Variants in PLCB4 observed in about 807,000 individuals in gnomAD.
PLCB4 encodes the protein phospholipase C beta 4.
PLCB4 carries 77 observed loss-of-function variants against 178.8 expected under a neutral mutation model. That is an observed-to-expected ratio of 0.43 (90% CI 0.36 to 0.52). PLCB4 has a LOEUF of 0.52. Ranked by LOEUF, PLCB4 falls within the 20% of genes least tolerant of loss-of-function variation. The pLI, the probability that PLCB4 is intolerant of heterozygous loss-of-function variation, is 0.00. For missense variants in PLCB4, 1,024 were observed against 1,453.4 expected (o/e 0.70, Z 4.80); for synonymous variants, 496 against 490.8 (o/e 1.01, Z -0.14).
chr20:9,389,170 A>G (rs2037926973), intron 15 of PLCB4, among the ~76,000 whole-genome samples: 1 of 152,152 alleles, frequency 6.6e-6, no homozygotes. Context: ...CTCCTATTTC[A>G]TGGAGAATAG....
At chr20:9,312,353 T>TACACAC (rs34443371) in intron 4 of PLCB4, among the ~76,000 whole-genome samples, 3,035 of 127,754 alleles carry the variant, frequency 0.024, 52 homozygotes, top group African/African-American at 0.037. Context: ...CCTTCCACCC[T>TACACAC]ACACACACAC....
At chr20:9,080,032 A>G (rs2090071615) in intron 1 of PLCB4, among the ~76,000 whole-genome samples, 1 of 152,126 alleles carries the variant, frequency 6.6e-6, no homozygotes, top group African/African-American at 2.4e-5. Context: ...ATATTTTATA[A>G]AAATATTTTA....
intron 4 of PLCB4, among the ~76,000 whole-genome samples, chr20:9,317,595 G>A (rs1417943251): frequency 2.6e-5 from 4 of 152,134 alleles, no homozygotes; most frequent in East Asian, 1.9e-4. Context: ...CAAGAAGGAC[G>A]TCTTATTCAT....
chr20:9,147,889 A>G (rs897515216), intron 2 of PLCB4, among the ~76,000 whole-genome samples: 2 of 152,106 alleles, frequency 1.3e-5, no homozygotes, highest in Non-Finnish European at 2.9e-5. Flanking sequence ...CAGTCAGACT[A>G]TCCTAGATCC....
intron 25 of PLCB4, among the ~76,000 whole-genome samples, chr20:9,418,687 T>C (rs972803788): frequency 2.6e-5 from 4 of 152,146 alleles, no homozygotes; most frequent in African/African-American, 9.6e-5. Context: ...TAGGATTAGC[T>C]TGTCAGTTTC....
chr20:9,338,433 A>G (rs550397540), intron 6 of PLCB4, among the ~76,000 whole-genome samples: 3 of 152,250 alleles, frequency 2.0e-5, no homozygotes, highest in African/African-American at 4.8e-5. Flanking sequence ...ACCTCCCAGC[A>G]CTGTGGGAGG....
chr20:9,467,866 A>G (rs1019116349), intron 35 of PLCB4, among the ~76,000 whole-genome samples: 4 of 152,150 alleles, frequency 2.6e-5, no homozygotes, highest in Non-Finnish European at 4.4e-5. Context: ...ATAGAAAAAA[A>G]TTTTTGTAAT....
chr20:9,339,646 A>G (rs2032939477), intron 7 of PLCB4, among the ~76,000 whole-genome samples: 2 of 152,172 alleles, frequency 1.3e-5, no homozygotes, highest in African/African-American at 4.8e-5. Flanking sequence ...TTTTGCTCAT[A>G]CTAAGTCTTA....
intron 7 of PLCB4, among the ~76,000 whole-genome samples, chr20:9,346,866 T>G (rs971589034): frequency 6.6e-6 from 1 of 152,206 alleles, no homozygotes; most frequent in Non-Finnish European, 1.5e-5. Flanking sequence ...ACATGGGCTG[T>G]GGTCATCAGA....
intron 22 of PLCB4, 97 bp from the exon 23 acceptor site, chr20:9,408,536 C>G (rs1319817977): frequency 1.7e-6 from 1 of 593,086 alleles, no homozygotes; most frequent in African/African-American, 2.4e-5. Flanking sequence ...CCTCCAAGGC[C>G]TCATGATTCA....
At chr20:9,403,137 A>G (rs2039166067) in intron 20 of PLCB4, among the ~76,000 whole-genome samples, 1 of 152,142 alleles carries the variant, frequency 6.6e-6, no homozygotes, top group African/African-American at 2.4e-5. Flanking sequence ...AGTTGCTGGT[A>G]TATTATCATC....
At chr20:9,142,653 TTGC>T (rs2092516466) in intron 2 of PLCB4, among the ~76,000 whole-genome samples, 1 of 152,286 alleles carries the variant, frequency 6.6e-6, no homozygotes, top group East Asian at 1.9e-4. Context: ...GCAGTTTGTA[TTGC>T]TGGTATCACT....
At chr20:9,354,453 G>T (rs2034609426) in intron 7 of PLCB4, among the ~76,000 whole-genome samples, 1 of 152,166 alleles carries the variant, frequency 6.6e-6, no homozygotes, top group Non-Finnish European at 1.5e-5. Context: ...TCCTGGAGTG[G>T]TTTCTACATG....
chr20:9,143,458 G>C (rs2092535583), intron 2 of PLCB4, among the ~76,000 whole-genome samples: 2 of 152,076 alleles, frequency 1.3e-5, no homozygotes, highest in South Asian at 4.1e-4. Context: ...AGTAAATGTT[G>C]AATAAGCAAA....
intron 3 of PLCB4, among the ~76,000 whole-genome samples, chr20:9,263,411 C>T (rs1408705620): frequency 1.3e-5 from 2 of 152,176 alleles, no homozygotes; most frequent in African/African-American, 4.8e-5. Context: ...AATATCTAGT[C>T]CCTTGCTATT....
At chr20:9,131,180 C>T (rs147866830) in intron 2 of PLCB4, among the ~76,000 whole-genome samples, 67 of 152,238 alleles carry the variant, frequency 4.4e-4, no homozygotes, top group Admixed American at 1.1e-3. Context: ...AGTAATCTTT[C>T]GGTACATCTA....
chr20:9,117,819 G>A (rs562452193), intron 2 of PLCB4, among the ~76,000 whole-genome samples: 2 of 152,130 alleles, frequency 1.3e-5, no homozygotes, highest in Admixed American at 6.5e-5. Flanking sequence ...TCTACCTATC[G>A]TGCATTTTTC....
intron 30 of PLCB4, among the ~76,000 whole-genome samples, chr20:9,443,413 A>G (rs1220192410): frequency 1.3e-5 from 2 of 152,192 alleles, no homozygotes; most frequent in South Asian, 2.1e-4. Flanking sequence ...TCACTATCCC[A>G]TCTCACAGCT....
At chr20:9,188,716 T>C (rs67871944) in intron 2 of PLCB4, among the ~76,000 whole-genome samples, 296 of 122,076 alleles carry the variant, frequency 2.4e-3, no homozygotes, top group Non-Finnish European at 3.6e-3. Flanking sequence ...GGCTGTCATA[T>C]AGTGACATTC....
Sources: allele counts gnomAD v4.1 joint callset (sites outside exome capture counted in the v4.1 genomes callset), GRCh38; gene constraint gnomAD v4.1.1; transcripts MANE v1.5; gene names NCBI Gene and HGNC (gene_info 2026-07-23, HGNC 2026-07-21).